Variants in ZC3H12B observed in about 807,000 individuals in gnomAD.
ZC3H12B encodes zinc finger CCCH-type containing 12B, also known as probable ribonuclease ZC3H12B.
ZC3H12B carries 7 observed loss-of-function variants against 43.9 expected under a neutral mutation model. That is an observed-to-expected ratio of 0.16 (90% CI 0.09 to 0.30). The LOEUF (loss-of-function observed/expected upper bound fraction) is 0.30. ZC3H12B is among the 10% of genes least tolerant of loss of function. ZC3H12B has a pLI of 1.00. For missense variants in ZC3H12B, 475 were observed against 670.2 expected (o/e 0.71, Z 3.22); for synonymous variants, 222 against 241.7 (o/e 0.92, Z 0.76).
At chrX:65,362,413 T>C (rs1364210820), upstream of ZC3H12B, among the ~76,000 whole-genome samples, 2 of 111,286 alleles carry the variant, frequency 1.8e-5, no homozygotes, top group Non-Finnish European at 3.8e-5. Flanking sequence ...GACAGTGTTC[T>C]TTTATACACT....
the ZC3H12B span, among the ~76,000 whole-genome samples, chrX:65,113,602 AG>A: frequency 9.3e-4 from 102 of 110,160 alleles, no homozygotes; most frequent in African/African-American, 3.3e-3. Context: ...ATTGCATGCT[AG>A]AGAGAAATCT....
chrX:65,063,867 C>A, the ZC3H12B span, among the ~76,000 whole-genome samples: 2 of 111,845 alleles, frequency 1.8e-5, no homozygotes, highest in Admixed American at 1.9e-4. Flanking sequence ...GATTCAACTT[C>A]TTCCTGGTTT....
At chrX:65,401,224 C>T (rs1221522580) in intron 3 of ZC3H12B, among the ~76,000 whole-genome samples, 1 of 111,530 alleles carries the variant, frequency 9.0e-6, no homozygotes, top group African/African-American at 3.3e-5. Flanking sequence ...CCTTCCGCAC[C>T]CTTGGCAGCA....
intron 3 of ZC3H12B, among the ~76,000 whole-genome samples, chrX:65,407,040 C>T (rs1368451556): frequency 8.9e-6 from 1 of 112,465 alleles, no homozygotes. Flanking sequence ...CTGGAGCGCC[C>T]TTTGCGGAGA....
At chrX:65,161,144 G>A in the ZC3H12B span, among the ~76,000 whole-genome samples, 7 of 111,161 alleles carry the variant, frequency 6.3e-5, no homozygotes, top group Non-Finnish European at 9.4e-5. Flanking sequence ...TATAATTTCT[G>A]TTCTTTTACA....
intron 3 of ZC3H12B, among the ~76,000 whole-genome samples, chrX:65,435,502 A>C (rs1369781182): frequency 9.0e-6 from 1 of 111,638 alleles, no homozygotes; most frequent in Non-Finnish European, 1.9e-5. Context: ...TAGCATTTTT[A>C]AGTGTGATGA....
At chrX:65,348,587 G>T in the ZC3H12B span, among the ~76,000 whole-genome samples, 1 of 109,597 alleles carries the variant, frequency 9.1e-6, no homozygotes, top group African/African-American at 3.3e-5. Context: ...AAAGAGTCAA[G>T]ACCCATCAGT....
the ZC3H12B span, among the ~76,000 whole-genome samples, chrX:65,301,520 CA>C: frequency 1.3e-3 from 123 of 97,146 alleles, no homozygotes; most frequent in African/African-American, 1.2e-3. Context: ...ACTATTCAGC[CA>C]AAAAAAAAAA....
intron 2 of ZC3H12B, among the ~76,000 whole-genome samples, chrX:65,379,494 A>G (rs894903844): frequency 1.8e-5 from 2 of 112,168 alleles, no homozygotes; most frequent in African/African-American, 6.5e-5. Flanking sequence ...AGATAAAACC[A>G]CAAAGATAGG....
At chrX:65,242,919 G>A in the ZC3H12B span, among the ~76,000 whole-genome samples, 1 of 112,247 alleles carries the variant, frequency 8.9e-6, no homozygotes, top group Admixed American at 9.4e-5. Context: ...AAACTTAGAT[G>A]TCCACATGCA....
At chrX:65,410,119 A>C (rs2066886488) in intron 3 of ZC3H12B, among the ~76,000 whole-genome samples, 1 of 109,719 alleles carries the variant, frequency 9.1e-6, no homozygotes, top group Non-Finnish European at 1.9e-5. Flanking sequence ...AAAAAAAAAA[A>C]AAAAAAACAA....
chrX:65,371,342 T>G (rs1184724465), intron 2 of ZC3H12B, among the ~76,000 whole-genome samples: 1 of 111,681 alleles, frequency 9.0e-6, no homozygotes, highest in Non-Finnish European at 1.9e-5. Flanking sequence ...ATTAAGTAAT[T>G]GAGCCTCAAG....
chrX:65,202,167 T>C, the ZC3H12B span, among the ~76,000 whole-genome samples: 1 of 98,133 alleles, frequency 1.0e-5, no homozygotes, highest in African/African-American at 3.6e-5. Context: ...TTATATATAA[T>C]ATATATTATA....
chrX:65,176,697 C>T, the ZC3H12B span, among the ~76,000 whole-genome samples: 81 of 111,532 alleles, frequency 7.3e-4, no homozygotes, highest in African/African-American at 2.3e-3. Context: ...GATAAATTCC[C>T]GGACACATGC....
chrX:65,456,375 A>G (rs2067610268), intron 3 of ZC3H12B, among the ~76,000 whole-genome samples: 1 of 104,547 alleles, frequency 9.6e-6, no homozygotes, highest in African/African-American at 3.5e-5. Context: ...CAAAAGAGAC[A>G]AAGAGCTCTC....
the ZC3H12B span, among the ~76,000 whole-genome samples, chrX:65,121,120 T>C: frequency 9.0e-6 from 1 of 111,198 alleles, no homozygotes. Flanking sequence ...TCTTTTTTGG[T>C]TGTGTCTCTG....
the ZC3H12B span, among the ~76,000 whole-genome samples, chrX:65,326,028 T>C: frequency 1.8e-4 from 20 of 111,824 alleles, no homozygotes; most frequent in Non-Finnish European, 2.3e-4. Flanking sequence ...TTGACCCTTG[T>C]CTGACACATT....
intron 2 of ZC3H12B, 27 bp downstream of exon 7, chrX:65,497,298 C>G (rs767979416): frequency 1.7e-6 from 2 of 1,180,162 alleles, no homozygotes; most frequent in South Asian, 4.0e-5. Context: ...GACATTTCTT[C>G]TCATCTAGAG....
chrX:65,057,709 T>C, the ZC3H12B span, among the ~76,000 whole-genome samples: 1 of 112,089 alleles, frequency 8.9e-6, no homozygotes, highest in Non-Finnish European at 1.9e-5. Context: ...CCCCGTCACT[T>C]TCAGGTACAC....
Sources: gnomAD v4.1 joint callset for allele counts (sites outside exome capture counted in the v4.1 genomes callset) on GRCh38, gnomAD v4.1.1 for gene constraint, MANE v1.5 for transcripts, NCBI Gene and HGNC (gene_info 2026-07-23, HGNC 2026-07-21) for gene names.